Variants in PDE1C observed in about 807,000 individuals in gnomAD.
PDE1C encodes phosphodiesterase 1C, also known as dual specificity calcium/calmodulin-dependent 3',5'-cyclic nucleotide phosphodiesterase 1C.
Under a neutral mutation model 93.1 loss-of-function variants are expected in PDE1C, and 62 were observed. The observed-to-expected ratio is 0.67, with a 90% confidence interval of 0.54 to 0.82. PDE1C has a LOEUF of 0.82. Among genes scored for constraint, PDE1C ranks in the 40% least tolerant of loss-of-function variants. The pLI, the probability that PDE1C is intolerant of heterozygous loss-of-function variation, is 0.00. For missense variants in PDE1C, 742 were observed against 884.6 expected (o/e 0.84, Z 2.04); for synonymous variants, 325 against 310.1 (o/e 1.05, Z -0.50).
At chr7:32,374,256 GAAGAAAGAAAGAAAGAAAGAAAGA>G (rs34264888) in intron 1 of PDE1C, among the ~76,000 whole-genome samples, 131 of 113,338 alleles carry the variant, frequency 1.2e-3, no homozygotes, top group African/African-American at 4.0e-3. Context: ...GAAAGGAAAG[GAAGAAAGAAAGAAAGAAAGAAAGA>G]AAGAAAGAAA....
chr7:32,356,878 C>A (rs1435127869), intron 1 of PDE1C, among the ~76,000 whole-genome samples: 2 of 152,022 alleles, frequency 1.3e-5, no homozygotes, highest in African/African-American at 4.8e-5. Context: ...AAATTCATCC[C>A]CGGGTTTGAA....
At chr7:31,883,715 C>G (rs1275507404) in intron 2 of PDE1C, among the ~76,000 whole-genome samples, 1 of 152,198 alleles carries the variant, frequency 6.6e-6, no homozygotes, top group Non-Finnish European at 1.5e-5. Flanking sequence ...GGCTGGGACC[C>G]CAGGGCCAGA....
chr7:32,274,584 T>C (rs1811167241), intron 1 of PDE1C, among the ~76,000 whole-genome samples: 1 of 152,086 alleles, frequency 6.6e-6, no homozygotes, highest in Non-Finnish European at 1.5e-5. Context: ...TTGTTGGATG[T>C]GAAAAATTTT....
chr7:32,327,917 A>G (rs1783437342), intron 1 of PDE1C, among the ~76,000 whole-genome samples: 1 of 152,202 alleles, frequency 6.6e-6, no homozygotes, highest in Non-Finnish European at 1.5e-5. Context: ...GTGCTTCTTC[A>G]GATGAACATA....
At chr7:31,938,809 C>T (rs1805428859) in intron 2 of PDE1C, among the ~76,000 whole-genome samples, 1 of 152,106 alleles carries the variant, frequency 6.6e-6, no homozygotes, top group Admixed American at 6.5e-5. Flanking sequence ...TAAAACTACT[C>T]AATAATTCAC....
At chr7:31,980,776 T>C (rs1204272046) in intron 2 of PDE1C, among the ~76,000 whole-genome samples, 1 of 152,190 alleles carries the variant, frequency 6.6e-6, no homozygotes, top group Non-Finnish European at 1.5e-5. Context: ...TCAGTTTCCT[T>C]GCCTTTTCAA....
intron 16 of PDE1C, among the ~76,000 whole-genome samples, chr7:31,799,801 C>G (rs1159194359): frequency 3.3e-5 from 5 of 151,578 alleles, no homozygotes; most frequent in African/African-American, 4.8e-5. Context: ...TACTAAGATT[C>G]TAAATAGGAG....
At chr7:31,854,336 C>T (rs1793731031) in intron 7 of PDE1C, among the ~76,000 whole-genome samples, 2 of 152,152 alleles carry the variant, frequency 1.3e-5, no homozygotes, top group South Asian at 2.1e-4. Flanking sequence ...AAATTAACTA[C>T]TGTGAACCCA....
chr7:32,183,206 A>G (rs1417032751), intron 2 of PDE1C, among the ~76,000 whole-genome samples: 2 of 152,150 alleles, frequency 1.3e-5, no homozygotes, highest in Non-Finnish European at 2.9e-5. Flanking sequence ...AATCAATATC[A>G]TGAAAATGGC....
At chr7:31,921,675 C>T (rs1802638503) in intron 2 of PDE1C, among the ~76,000 whole-genome samples, 1 of 152,008 alleles carries the variant, frequency 6.6e-6, no homozygotes, top group African/African-American at 2.4e-5. Context: ...GAGAAGTTGA[C>T]AGAGTAAAGC....
intron 1 of PDE1C, among the ~76,000 whole-genome samples, chr7:32,278,504 A>T (rs529202677): frequency 1.3e-5 from 2 of 152,326 alleles, no homozygotes; most frequent in East Asian, 3.9e-4. Context: ...ATTAGAAGAG[A>T]TTCACATCTA....
chr7:32,404,029 A>C (rs532147813), intron 1 of PDE1C, among the ~76,000 whole-genome samples: 6 of 152,132 alleles, frequency 3.9e-5, no homozygotes, highest in Non-Finnish European at 8.8e-5. Flanking sequence ...CTACATACAC[A>C]TGTACATATT....
At chr7:32,003,599 A>T (rs1200104556) in intron 2 of PDE1C, among the ~76,000 whole-genome samples, 1 of 152,220 alleles carries the variant, frequency 6.6e-6, no homozygotes, top group Non-Finnish European at 1.5e-5. Flanking sequence ...ACTTCATTAC[A>T]TTGCATGGCC....
chr7:31,656,686 T>C, the PDE1C span, among the ~76,000 whole-genome samples: 4 of 152,222 alleles, frequency 2.6e-5, no homozygotes, highest in African/African-American at 9.6e-5. Context: ...TGAGTTTAGA[T>C]TGTAAAAAGG....
chr7:32,378,354 C>T (rs1223638899), intron 1 of PDE1C, among the ~76,000 whole-genome samples: 2 of 152,128 alleles, frequency 1.3e-5, no homozygotes, highest in African/African-American at 4.8e-5. Flanking sequence ...AGCCAACCCC[C>T]CTCTTGCTTT....
Position 31,823,123 on chromosome 7 carries a change from G to A in PDE1C, c.1532C>T (p.Thr511Met), listed in dbSNP as rs148019533. The A allele has an allele frequency of 3.8e-5, 62 of 1,613,136 alleles. No individual in the cohort carries two copies. In the African/African-American group the frequency reaches 4.9e-4, roughly 13 times the overall value. ...VDYKSFKATW[T>M]EVVHINRERW... ...CTCCCGATTGATGTGCACCACTTCC[G>A]TCCAAGTAGCTTTAAAGCTCTTATA... is the stretch of plus-strand genomic sequence containing the variant. Residue 511 changes from threonine (T) to methionine (M), a missense_variant, in exon 14 of 18, where the codon ACG (threonine) becomes ATG (methionine). Physicochemically the swap from Thr to Met is moderately conservative, Grantham distance 81. This residue lies in a region of PDE1C where 454 missense variants were observed against 459.4 expected (regional missense o/e 0.99). Coordinates refer to ENST00000396191, the MANE Select transcript of PDE1C (RefSeq NM_001191057.4).
intron 6 of PDE1C, among the ~76,000 whole-genome samples, chr7:31,870,227 GT>G (rs1795771355): frequency 6.6e-6 from 1 of 151,322 alleles, no homozygotes; most frequent in African/African-American, 2.4e-5. Flanking sequence ...ACTGAAATTA[GT>G]AAAAAAACAA....
At chr7:31,779,071 C>T (rs906180472) in intron 16 of PDE1C, among the ~76,000 whole-genome samples, 3 of 152,122 alleles carry the variant, frequency 2.0e-5, no homozygotes, top group Non-Finnish European at 2.9e-5. Context: ...GCCAGTTTCC[C>T]AGGCCTCACT....
chr7:32,427,745 T>C (rs534887075), intron 1 of PDE1C, among the ~76,000 whole-genome samples: 4 of 152,296 alleles, frequency 2.6e-5, no homozygotes, highest in East Asian at 1.9e-4. Flanking sequence ...CTGCGGGAGA[T>C]AGCGCTTTCT....
Sources: gnomAD v4.1 joint callset for allele counts (sites outside exome capture counted in the v4.1 genomes callset) on GRCh38, gnomAD v4.1.1 for gene constraint, gnomAD v4.1.1 regional missense constraint, MANE v1.5 for transcripts, NCBI Gene and HGNC (gene_info 2026-07-23, HGNC 2026-07-21) for gene names.